FHOD3: variants seen among roughly 807,000 people sequenced by gnomAD.
FHOD3 encodes formin homology 2 domain containing 3.
Under a neutral mutation model 173.0 loss-of-function variants are expected in FHOD3, and 90 were observed. The ratio of observed to expected loss-of-function variants is 0.52; its 90% CI spans 0.44 to 0.62. The LOEUF is 0.62. Among genes scored for constraint, FHOD3 ranks in the 20% least tolerant of loss-of-function variants. FHOD3 has a pLI of 0.00. For synonymous variants in FHOD3, 828 were observed against 823.0 expected, an observed-to-expected ratio of 1.01 and a Z score of -0.10; for missense variants, 1,945 against 2,034.7, an observed-to-expected ratio of 0.96 and a Z score of 0.85.
intron 3 of FHOD3, among the ~76,000 whole-genome samples, chr18:36,419,608 CAGAAAGCAA>C (rs2049879442): frequency 6.6e-6 from 1 of 152,216 alleles, no homozygotes; most frequent in Admixed American, 6.5e-5. Flanking sequence ...AGAGCAAATG[CAGAAAGCAA>C]ACCTGCATCT....
chr18:36,461,880 G>A lies in FHOD3; in HGVS notation c.338-40052G>A, dbSNP rs763544378. On this transcript the variant is annotated intron_variant, in intron 3 of 28. Coordinates refer to ENST00000590592, the MANE Select transcript of FHOD3 (RefSeq NM_001281740.3). ...TTGGAAGACCTATGCCTTAGTCATA[G>A]ACCTGTCACAATTACTGTGATCCTG... Among the ~76,000 whole-genome samples, 5 of 152,126 alleles carry A rather than the reference G, an allele frequency of 3.3e-5. 1 individual carries two copies. The highest frequency in any genetic ancestry group is 5.9e-5 in the Non-Finnish European group (4 of 68,010).
intron 3 of FHOD3, among the ~76,000 whole-genome samples, chr18:36,378,567 A>G (rs1217321439): frequency 1.6e-5 from 2 of 122,160 alleles, no homozygotes; most frequent in South Asian, 2.5e-4. Flanking sequence ...GGTGTGTCCA[A>G]CCCCTGTCCC....
At chr18:36,570,077 G>T (rs369325788) in intron 5 of FHOD3, among the ~76,000 whole-genome samples, 1 of 151,464 alleles carries the variant, frequency 6.6e-6, no homozygotes, top group Non-Finnish European at 1.5e-5. Flanking sequence ...AGTTGAAAGC[G>T]GAGAAAAAAA....
chr18:36,553,120 T>C (rs1227290393), intron 5 of FHOD3, among the ~76,000 whole-genome samples: 2 of 152,200 alleles, frequency 1.3e-5, no homozygotes, highest in Non-Finnish European at 2.9e-5. Flanking sequence ...ATGGATTACA[T>C]TTATTGATTT....
intron 18 of FHOD3, among the ~76,000 whole-genome samples, chr18:36,715,960 G>C (rs1409925579): frequency 2.6e-5 from 4 of 152,188 alleles, no homozygotes; most frequent in Admixed American, 1.3e-4. Flanking sequence ...AGAAGTTGCT[G>C]TAGCTAACGA....
At chr18:36,589,754 G>GACA (rs991027529) in intron 6 of FHOD3, among the ~76,000 whole-genome samples, 4 of 152,138 alleles carry the variant, frequency 2.6e-5, no homozygotes, top group Non-Finnish European at 2.9e-5. Flanking sequence ...GTTGTCTTGA[G>GACA]ACCACTGATG....
chr18:36,531,881 G>A (rs894811213), intron 5 of FHOD3, among the ~76,000 whole-genome samples: 12 of 152,212 alleles, frequency 7.9e-5, no homozygotes, highest in African/African-American at 2.9e-4. Flanking sequence ...TCCTGTGCGT[G>A]TCACAGTCTC....
chr18:36,649,509 C>T, intron 11 of FHOD3, 104 bp downstream of exon 11: 1 of 807,926 alleles, frequency 1.2e-6, no homozygotes, highest in Non-Finnish European at 1.9e-6. Flanking sequence ...TCATTGACTC[C>T]CACTTGCAAA....
intron 27 of FHOD3, among the ~76,000 whole-genome samples, chr18:36,766,983 G>A (rs916692110): frequency 1.3e-5 from 2 of 152,182 alleles, no homozygotes; most frequent in African/African-American, 4.8e-5. Context: ...ACAATTGCAT[G>A]ATTGATTGCT....
intron 3 of FHOD3, among the ~76,000 whole-genome samples, chr18:36,393,911 TA>T (rs1568214234): frequency 6.6e-6 from 1 of 152,178 alleles, no homozygotes; most frequent in Non-Finnish European, 1.5e-5. Flanking sequence ...GCCCGGGGAC[TA>T]CAGATATATT....
chr18:36,432,738 A>C (rs1248597210), intron 3 of FHOD3, among the ~76,000 whole-genome samples: 1 of 152,232 alleles, frequency 6.6e-6, no homozygotes, highest in African/African-American at 2.4e-5. Context: ...GGTTTTGAAA[A>C]GCAGATGCTT....
intron 9 of FHOD3, among the ~76,000 whole-genome samples, chr18:36,619,940 A>G (rs2033566637): frequency 6.6e-6 from 1 of 152,172 alleles, no homozygotes; most frequent in Non-Finnish European, 1.5e-5. Flanking sequence ...CTGGGTGGCT[A>G]CAGGGGTAGG....
chr18:36,483,482 ATTAC>A (rs1425379569), intron 3 of FHOD3, among the ~76,000 whole-genome samples: 2 of 152,190 alleles, frequency 1.3e-5, no homozygotes, highest in Admixed American at 1.3e-4. Flanking sequence ...ATTGCTGTCT[ATTAC>A]TTTATCCATC....
At chr18:36,311,353 C>T (rs1346586548) in intron 1 of FHOD3, among the ~76,000 whole-genome samples, 3 of 152,126 alleles carry the variant, frequency 2.0e-5, no homozygotes, top group Admixed American at 6.5e-5. Context: ...CACAGATGTT[C>T]TTGGGTGTCT....
chr18:36,739,783 T>C (rs2150031118), intron 20 of FHOD3, among the ~76,000 whole-genome samples: 1 of 152,352 alleles, frequency 6.6e-6, no homozygotes, highest in East Asian at 1.9e-4. Flanking sequence ...ACTAATAAGA[T>C]GGATTTTTGT....
chr18:36,629,887 G>A (rs2148847352), intron 10 of FHOD3, among the ~76,000 whole-genome samples: 1 of 152,172 alleles, frequency 6.6e-6, no homozygotes, highest in Middle Eastern at 3.4e-3. Flanking sequence ...GGAGACATCT[G>A]GACACATTTT....
At chr18:36,715,283 A>C (rs1282051779) in intron 18 of FHOD3, among the ~76,000 whole-genome samples, 2 of 152,212 alleles carry the variant, frequency 1.3e-5, no homozygotes, top group African/African-American at 4.8e-5. Flanking sequence ...AAGATCTGAT[A>C]GTTTTTTAAG....
At chr18:36,478,554 C>A (rs1379591035) in intron 3 of FHOD3, among the ~76,000 whole-genome samples, 1 of 152,130 alleles carries the variant, frequency 6.6e-6, no homozygotes, top group East Asian at 1.9e-4. Context: ...ACTCCCTCTG[C>A]CAATGTAGCC....
At chr18:36,673,108 C>T (rs2037638492) in intron 14 of FHOD3, among the ~76,000 whole-genome samples, 1 of 152,180 alleles carries the variant, frequency 6.6e-6, no homozygotes, top group Admixed American at 6.5e-5. Context: ...TCCCCCTCAG[C>T]TTTTGATCAT....
Sources: gnomAD v4.1 joint callset for allele counts (sites outside exome capture counted in the v4.1 genomes callset) on GRCh38, gnomAD v4.1.1 for gene constraint, MANE v1.5 for transcripts, NCBI Gene and HGNC (gene_info 2026-07-23, HGNC 2026-07-21) for gene names.